PIP5K1B: variants seen among roughly 807,000 people sequenced by gnomAD.
PIP5K1B encodes phosphatidylinositol 4-phosphate 5-kinase type-1 beta.
Under a neutral mutation model 67.0 loss-of-function variants are expected in PIP5K1B, and 42 were observed. The observed-to-expected ratio is 0.63, with a 90% CI of 0.49 to 0.81. The LOEUF (loss-of-function observed/expected upper bound fraction) is 0.81, where lower values mean the gene tolerates loss of function less well. Among genes scored for constraint, PIP5K1B ranks in the 30% least tolerant of loss-of-function variants. PIP5K1B has a pLI of 0.00. For synonymous variants in PIP5K1B, 214 were observed against 231.4 expected (o/e 0.92, Z 0.68); for missense variants, 459 against 646.3 (o/e 0.71, Z 3.14).
chr9:68,860,473 A>G (rs1408845982), intron 4 of PIP5K1B, among the ~76,000 whole-genome samples: 1 of 152,158 alleles, frequency 6.6e-6, no homozygotes, highest in African/African-American at 2.4e-5. Flanking sequence ...TCCTTGGCTT[A>G]CCCGTGGGTG....
intron 6 of PIP5K1B, among the ~76,000 whole-genome samples, chr9:68,880,588 C>CACAT (rs1491312703): frequency 2.4e-5 from 1 of 41,884 alleles, no homozygotes; most frequent in East Asian, 4.2e-4. Flanking sequence ...CACACACACA[C>CACAT]GCATACACAC....
rs896113095 is a variant in PIP5K1B, at chr9:68,919,604, A to G, written c.1067+42A>G. On this transcript the variant is annotated intron_variant, in intron 10 of 15. Transcript: ENST00000265382. ...GTGGTCTTTTATTATTTCAAAATCAATCTACAAAAGGTTCTGAAAAATCAC... is the reference window on the plus strand; with the variant it reads ...GTGGTCTTTTATTATTTCAAAATCAGTCTACAAAAGGTTCTGAAAAATCAC... 5.7e-6 allele frequency: 8 copies of G among 1,403,304 alleles called. No homozygotes were observed. The African/African-American group carries it at 5.7e-5, about 10-fold the overall frequency. 86.9% of individuals were successfully genotyped at this position (1,403,304 alleles called of 1,614,324 possible).
chr9:68,935,296 G>A (rs1249969832), intron 13 of PIP5K1B, among the ~76,000 whole-genome samples: 1 of 152,096 alleles, frequency 6.6e-6, no homozygotes, highest in African/African-American at 2.4e-5. Context: ...GCGAAACCCT[G>A]TCTCTACTGA....
chr9:68,819,291 T>G (rs1255738860), intron 3 of PIP5K1B, among the ~76,000 whole-genome samples: 3 of 152,152 alleles, frequency 2.0e-5, no homozygotes, highest in African/African-American at 7.2e-5. Flanking sequence ...TTTCTCTTTT[T>G]GAGACAGGCT....
intron 6 of PIP5K1B, among the ~76,000 whole-genome samples, chr9:68,887,701 G>T (rs1392998491): frequency 1.3e-5 from 2 of 152,192 alleles, no homozygotes; most frequent in African/African-American, 2.4e-5. Flanking sequence ...TAACAATCCA[G>T]GCATGAAATG....
At position 68,956,171 on chromosome 9, in the gene PIP5K1B, G is replaced by A. The variant is rs116076498; in HGVS notation, c.1502+15381G>A. On this transcript the variant is annotated intron_variant, in intron 14 of 15. Transcript: ENST00000265382. ...TTATGAATGTACTCTCAAATGCATC[G>A]TTTGAAACATTCCTATAGGCCGGGC... Among the ~76,000 whole-genome samples the A allele has an allele frequency of 9.3e-3, 1,420 of 152,192 alleles. 26 individuals are homozygous for A. Among genetic ancestry groups the A allele is most frequent in the African/African-American group, 0.033 (1,350 of 41,536 alleles).
rs988820075 is a variant in PIP5K1B at position 68,727,932 on chromosome 9, A to G, written c.-242-14569A>G. Reference sequence around the variant, plus strand: ...CTTAACTTTAGTTCATTCATGATTCAGCAAATATTTGAGTGCCTATTAACA... The same window carrying G: ...CTTAACTTTAGTTCATTCATGATTCGGCAAATATTTGAGTGCCTATTAACA... On this transcript the variant is annotated intron_variant, in intron 1 of 15. Coordinates refer to ENST00000265382, the MANE Select transcript of PIP5K1B (RefSeq NM_003558.4). Among the ~76,000 whole-genome samples the G allele has an allele frequency of 2.6e-5, 4 of 152,196 alleles. No homozygotes were observed. In the South Asian group the frequency reaches 8.3e-4, roughly 31 times the overall value.
intron 15 of PIP5K1B, among the ~76,000 whole-genome samples, chr9:68,993,438 C>T (rs529760302): frequency 1.1e-4 from 16 of 152,276 alleles, no homozygotes; most frequent in African/African-American, 3.9e-4. Flanking sequence ...TGACCGCCCC[C>T]TACGTAAAAC....
intron 2 of PIP5K1B, among the ~76,000 whole-genome samples, chr9:68,812,870 A>T (rs1289410014): frequency 2.0e-5 from 3 of 152,212 alleles, no homozygotes; most frequent in Non-Finnish European, 4.4e-5. Context: ...GTTTCTCTTT[A>T]CTGGGGAAGA....
intron 4 of PIP5K1B, among the ~76,000 whole-genome samples, chr9:68,852,337 G>T (rs189165682): frequency 6.6e-6 from 1 of 151,936 alleles, no homozygotes; most frequent in East Asian, 1.9e-4. Flanking sequence ...CTTGTTACCC[G>T]CCTCCCCCAC....
intron 15 of PIP5K1B, among the ~76,000 whole-genome samples, chr9:68,999,326 C>G (rs1830718847): frequency 6.6e-6 from 1 of 152,152 alleles, no homozygotes; most frequent in South Asian, 2.1e-4. Context: ...CAATTCAGCC[C>G]ACCCCTCTAC....
chr9:68,963,708 A>C (rs967068514), intron 14 of PIP5K1B, among the ~76,000 whole-genome samples: 1 of 152,186 alleles, frequency 6.6e-6, no homozygotes, highest in African/African-American at 2.4e-5. Context: ...TTACAATGGT[A>C]GTGGGGGCAT....
intron 4 of PIP5K1B, among the ~76,000 whole-genome samples, chr9:68,830,275 C>A (rs1162530773): frequency 3.3e-5 from 5 of 152,172 alleles, no homozygotes; most frequent in Non-Finnish European, 7.3e-5. Flanking sequence ...CCATGCACCC[C>A]CCGCCCTGTC....
At chr9:68,966,271 C>T (rs946933573) in intron 14 of PIP5K1B, among the ~76,000 whole-genome samples, 1 of 152,106 alleles carries the variant, frequency 6.6e-6, no homozygotes, top group African/African-American at 2.4e-5. Context: ...CACAACACCC[C>T]ATCCCTTAAG....
chr9:68,779,999 C>T (rs1450075104), intron 2 of PIP5K1B: 19 of 898,892 alleles, frequency 2.1e-5, no homozygotes, highest in Non-Finnish European at 2.9e-5. Flanking sequence ...GCAGGCGCCG[C>T]GAGTACGGAC....
chr9:68,915,338 G>A (rs1826042781), intron 8 of PIP5K1B, among the ~76,000 whole-genome samples: 2 of 152,072 alleles, frequency 1.3e-5, no homozygotes, highest in South Asian at 4.2e-4. Context: ...GGGGGGTACT[G>A]TTGCCAAGCC....
At chr9:69,007,718 G>A (rs1473855985) in intron 15 of PIP5K1B, among the ~76,000 whole-genome samples, 9 of 152,050 alleles carry the variant, frequency 5.9e-5, no homozygotes, top group Admixed American at 1.3e-4. Context: ...TTAGCCAGGC[G>A]TGATGGCAGG....
chr9:68,840,372 C>T (rs1821856094), intron 4 of PIP5K1B, among the ~76,000 whole-genome samples: 1 of 147,810 alleles, frequency 6.8e-6, no homozygotes, highest in African/African-American at 2.5e-5. Flanking sequence ...AATGAAACTC[C>T]ATCTCAAAAA....
intron 13 of PIP5K1B, 144 bp from the exon 14 acceptor site, chr9:68,940,502 G>GA (rs998743276): frequency 4.5e-3 from 3,011 of 675,692 alleles, no homozygotes; most frequent in South Asian, 5.2e-3. Context: ...CTGTAATTCA[G>GA]AAAAAAAAAG....
Sources: gnomAD v4.1 joint callset for allele counts (sites outside exome capture counted in the v4.1 genomes callset) on GRCh38, gnomAD v4.1.1 for gene constraint, MANE v1.5 for transcripts, NCBI Gene and HGNC (gene_info 2026-07-23, HGNC 2026-07-21) for gene names.